Variants in DNAH14 observed in about 807,000 individuals in gnomAD.
DNAH14 encodes the protein dynein axonemal heavy chain 14.
Under a neutral mutation model 520.9 loss-of-function variants are expected in DNAH14, and 478 were observed. The ratio of observed to expected loss-of-function variants is 0.92; its 90% CI spans 0.85 to 0.99. The LOEUF (loss-of-function observed/expected upper bound fraction) is 0.99. Among genes scored for constraint, DNAH14 ranks in the 50% least tolerant of loss-of-function variants. DNAH14 has a pLI of 0.00. For missense variants in DNAH14, 4,831 were observed against 5,234.5 expected (o/e 0.92, Z 2.38); for synonymous variants, 1,581 against 1,757.2 (o/e 0.90, Z 2.51).
At chr1:225,197,633 C>G (rs1359350693) in intron 38 of DNAH14, among the ~76,000 whole-genome samples, 1 of 152,024 alleles carries the variant, frequency 6.6e-6, no homozygotes. Flanking sequence ...GCTTTTTTGG[C>G]AGTATGGTCA....
chr1:225,337,514 C>A lies in DNAH14; in HGVS notation c.10311+18C>A. On this transcript the variant is annotated intron_variant, in intron 67 of 85. Coordinates refer to ENST00000682510, the MANE Select transcript of DNAH14 (RefSeq NM_001367479.1). ...TCCTGCAGGTAAGTGGGCAGTATGGCCTAATTTCCCTTGCAGCTGATACAT... is the reference window on the plus strand; with the variant it reads ...TCCTGCAGGTAAGTGGGCAGTATGGACTAATTTCCCTTGCAGCTGATACAT... 6.5e-7 allele frequency: 1 copy of A among 1,534,848 alleles called. No individual in the cohort carries two copies. The highest frequency in any genetic ancestry group is 8.8e-7 in the Non-Finnish European group (1 of 1,131,802).
intron 1 of DNAH14, among the ~76,000 whole-genome samples, chr1:224,951,389 T>G (rs1056496079): frequency 2.2e-5 from 3 of 136,610 alleles, no homozygotes; most frequent in Non-Finnish European, 4.4e-5. Flanking sequence ...AGAATGGATT[T>G]GATTTAGGGA....
intron 10 of DNAH14, among the ~76,000 whole-genome samples, chr1:225,013,557 C>T (rs2064976079): frequency 6.6e-6 from 1 of 152,194 alleles, no homozygotes; most frequent in Non-Finnish European, 1.5e-5. Context: ...CTCCCACAGC[C>T]ACCCCTTTCC....
At position 225,100,739 on chromosome 1, in the gene DNAH14, T is replaced by C. The variant is rs1389850806; in HGVS notation, c.3722T>C (p.Phe1241Ser). ...RRQLPAETEL[F>S]SQVISMWKKI... Reference sequence around the variant, plus strand: ...CAACTCCCAGCAGAAACAGAACTTTTCTCTCAAGTGATTTCCATGTGGAAA... The same window carrying C: ...CAACTCCCAGCAGAAACAGAACTTTCCTCTCAAGTGATTTCCATGTGGAAA... The change falls in exon 23 of 86, where the codon TTC (phenylalanine) becomes TCC (serine). Residue 1241 changes from phenylalanine (F) to serine (S), a missense_variant. Physicochemically the swap from Phe to Ser is radical, Grantham distance 155 (BLOSUM62 -2). Coordinates refer to ENST00000682510, the MANE Select transcript of DNAH14 (RefSeq NM_001367479.1). The C allele has an allele frequency of 2.0e-6, 3 of 1,517,386 alleles. No homozygotes were observed. The highest frequency in any genetic ancestry group is 4.9e-5 in the Admixed American group (2 of 40,840). 94.0% of individuals were successfully genotyped at this position (1,517,386 alleles called of 1,614,324 possible). A position where few individuals can be genotyped will look rare whatever the true frequency, so the allele number is the denominator to read the frequency against.
chr1:225,394,362 G>C (rs2095972475), intron 84 of DNAH14, among the ~76,000 whole-genome samples: 1 of 152,088 alleles, frequency 6.6e-6, no homozygotes, highest in Non-Finnish European at 1.5e-5. Context: ...TTTCTTAATG[G>C]TGTCTTTTGA....
Position 224,974,597 on chromosome 1 carries a change from A to G in DNAH14, c.830+444A>G, listed in dbSNP as rs145082839. 1.6e-4 allele frequency among the ~76,000 whole-genome samples: 24 copies of G among 152,288 alleles called. 1 individual carries two copies. In the East Asian group the frequency reaches 4.2e-3, roughly 27 times the overall value. ...GTACCTTTTACCCAGTTTCCCTCCCAAATGTTGCAAAACTACAGTCTATGA... is the reference window on the plus strand; with the variant it reads ...GTACCTTTTACCCAGTTTCCCTCCCGAATGTTGCAAAACTACAGTCTATGA... On this transcript the variant is annotated intron_variant, in intron 8 of 85. Transcript: ENST00000682510.
intron 42 of DNAH14, among the ~76,000 whole-genome samples, 179 bp downstream of exon 42, chr1:225,231,330 A>G (rs1450076433): frequency 6.6e-6 from 1 of 152,116 alleles, no homozygotes; most frequent in Non-Finnish European, 1.5e-5. Flanking sequence ...AGATCACCAG[A>G]TTTATGCTGC....
rs115257640 is a variant in DNAH14, at chr1:225,353,222, A to G, written c.11534-581A>G. ...TGATAAGTGTATCTGGGAGAGCTGGAAATGAAGACTAGAAGGCTTCCCACC... is the reference window on the plus strand; with the variant it reads ...TGATAAGTGTATCTGGGAGAGCTGGGAATGAAGACTAGAAGGCTTCCCACC... On this transcript the variant is annotated intron_variant, in intron 72 of 85. Transcript: ENST00000682510. Among the ~76,000 whole-genome samples the G allele has an allele frequency of 1.3e-5, 2 of 152,268 alleles. 1 individual carries two copies. The highest frequency in any genetic ancestry group is 2.9e-5 in the Non-Finnish European group (2 of 67,988).
At chr1:225,174,685 T>C (rs1011204208) in intron 36 of DNAH14, among the ~76,000 whole-genome samples, 2 of 152,212 alleles carry the variant, frequency 1.3e-5, no homozygotes, top group African/African-American at 4.8e-5. Context: ...GCCTAATTGC[T>C]CTGCCTAGAA....
chr1:225,377,641 T>TC (rs2095718340), intron 79 of DNAH14, among the ~76,000 whole-genome samples: 1 of 152,026 alleles, frequency 6.6e-6, no homozygotes, highest in African/African-American at 2.4e-5. Context: ...GCACCTGTAG[T>TC]CCCAGTAACT....
chr1:225,001,519 T>C (rs950425470), intron 8 of DNAH14, among the ~76,000 whole-genome samples: 2 of 152,162 alleles, frequency 1.3e-5, no homozygotes, highest in Non-Finnish European at 2.9e-5. Context: ...CAGTCATCAG[T>C]CAATGTGTTA....
intron 23 of DNAH14, among the ~76,000 whole-genome samples, chr1:225,106,965 G>A (rs954564078): frequency 1.3e-5 from 2 of 152,152 alleles, no homozygotes; most frequent in Admixed American, 1.3e-4. Flanking sequence ...GATTTTTAGA[G>A]TTTCCATTTT....
chr1:224,967,139 A>G (rs185322902), intron 5 of DNAH14, among the ~76,000 whole-genome samples: 5 of 152,226 alleles, frequency 3.3e-5, no homozygotes, highest in Admixed American at 3.3e-4. Flanking sequence ...GTATGTCATC[A>G]AGTTCTTTGG....
At chr1:225,060,401 A>C (rs189505245) in intron 17 of DNAH14, among the ~76,000 whole-genome samples, 2 of 152,000 alleles carry the variant, frequency 1.3e-5, no homozygotes, top group African/African-American at 4.8e-5. Context: ...TGGTTATTCT[A>C]GTTAGCCATT....
At chr1:225,192,625 TAAG>T in intron 37 of DNAH14, 68 bp from the exon 38 acceptor site, 1 of 1,108,868 alleles carries the variant, frequency 9.0e-7, no homozygotes, top group Non-Finnish European at 1.3e-6. Context: ...CTTTTAATAA[TAAG>T]AATGCAAATA....
Position 225,269,830 on chromosome 1 carries a change from C to T in DNAH14, c.7540-905C>T, listed in dbSNP as rs560493744. Among the ~76,000 whole-genome samples, 52 of 152,232 alleles carry T rather than the reference C, an allele frequency of 3.4e-4. No homozygotes were observed. In the South Asian group the frequency reaches 8.9e-3, roughly 26 times the overall value. On this transcript the variant is annotated intron_variant, in intron 49 of 85. Coordinates refer to ENST00000682510, the MANE Select transcript of DNAH14 (RefSeq NM_001367479.1). ...TTAAAAAGTCAGGAAACAACAGGTG[C>T]TGGAGAGGATGTGGACAAATAGGAA...
intron 21 of DNAH14, among the ~76,000 whole-genome samples, chr1:225,092,091 A>C (rs1054015484): frequency 2.6e-5 from 4 of 152,136 alleles, no homozygotes; most frequent in Non-Finnish European, 4.4e-5. Flanking sequence ...TTAAAGACCT[A>C]GGAAGAGACT....
chr1:225,173,613 G>A (rs2082961097), intron 36 of DNAH14, among the ~76,000 whole-genome samples: 1 of 152,158 alleles, frequency 6.6e-6, no homozygotes, highest in South Asian at 2.1e-4. Flanking sequence ...GGAAACAACA[G>A]GTGCTGGAGA....
At chr1:224,936,993 A>G (rs1323094808) in intron 1 of DNAH14, among the ~76,000 whole-genome samples, 1 of 152,076 alleles carries the variant, frequency 6.6e-6, no homozygotes, top group Non-Finnish European at 1.5e-5. Context: ...TTAGTTATCA[A>G]AAAGCATTTT....
Sources: gnomAD v4.1 joint callset for allele counts (sites outside exome capture counted in the v4.1 genomes callset) on GRCh38, gnomAD v4.1.1 for gene constraint, MANE v1.5 for transcripts, NCBI Gene and HGNC (gene_info 2026-07-23, HGNC 2026-07-21) for gene names.